Variants in OTUD7B observed in about 807,000 individuals in gnomAD.
OTUD7B encodes the protein OTU deubiquitinase 7B, also known as OTU domain-containing protein 7B.
Under a neutral mutation model 82.2 loss-of-function variants are expected in OTUD7B, and 34 were observed. That is an observed-to-expected ratio of 0.41 (90% CI 0.31 to 0.55). The LOEUF (loss-of-function observed/expected upper bound fraction) is 0.55. Ranked by LOEUF, OTUD7B falls within the 20% of genes least tolerant of loss-of-function variation. OTUD7B has a pLI of 0.20. For synonymous variants in OTUD7B, 398 were observed against 402.7 expected, an observed-to-expected ratio of 0.99 and a Z score of 0.14; for missense variants, 944 against 1,062.1, an observed-to-expected ratio of 0.89 and a Z score of 1.55.
chr1:150,037,842 A>G, the OTUD7B span, among the ~76,000 whole-genome samples: 5 of 152,054 alleles, frequency 3.3e-5, no homozygotes, highest in South Asian at 1.0e-3. Flanking sequence ...TTTTAAATCT[A>G]ACAAACGAAT....
At chr1:150,003,269 T>C (rs1420651826) in intron 1 of OTUD7B, among the ~76,000 whole-genome samples, 1 of 146,050 alleles carries the variant, frequency 6.8e-6, no homozygotes, top group Admixed American at 6.8e-5. Context: ...AAAAAAAAGA[T>C]AAAAACTCTG....
rs782784578 is a variant in OTUD7B, at chr1:149,938,325, G to A, written c.*5532C>T. 1 of 151,988 alleles carries A rather than the reference G, an allele frequency of 6.6e-6. No individual in the cohort carries two copies. The highest frequency in any genetic ancestry group is 2.4e-5 in the African/African-American group (1 of 41,364). 9.4% of individuals were successfully genotyped at this position (151,988 alleles called of 1,614,324 possible). On this transcript the variant is annotated 3_prime_UTR_variant, in exon 12 of 12. Coordinates refer to ENST00000581312, the MANE Select transcript of OTUD7B (RefSeq NM_020205.4). ...AAAATACAAAAATTAGCCAGGCGTG[G>A]TGGCTCACACCTATAATCCCAGCTA...
At chr1:150,020,379 T>C in the OTUD7B span, among the ~76,000 whole-genome samples, 7 of 151,984 alleles carry the variant, frequency 4.6e-5, no homozygotes, top group African/African-American at 1.7e-4. Flanking sequence ...CTATTAAAAA[T>C]ACAAAGAATT....
At chr1:149,964,496 T>G (rs1649387234) in intron 5 of OTUD7B, 147 bp from the exon 6 acceptor site, 1 of 657,820 alleles carries the variant, frequency 1.5e-6, no homozygotes, top group Non-Finnish European at 2.6e-6. Context: ...CCTCCCAAAG[T>G]GCTGGGATTA....
intron 1 of OTUD7B, among the ~76,000 whole-genome samples, chr1:149,980,623 G>T (rs1650651151): frequency 6.6e-6 from 1 of 151,898 alleles, no homozygotes. Context: ...GAGGCAGAAG[G>T]ATCACTTGAA....
chr1:149,949,200 T>C, intron 9 of OTUD7B, 117 bp from the exon 10 acceptor site: 3 of 661,736 alleles, frequency 4.5e-6, no homozygotes, highest in Non-Finnish European at 8.0e-6. Context: ...TTCTCAATTC[T>C]TACACGTGAA....
In OTUD7B at chr1:149,944,083, T is replaced by A; in HGVS notation, c.2306A>T (p.Tyr769Phe). Residue 769 changes from tyrosine (Y) to phenylalanine (F), a missense_variant, in exon 12 of 12, where the codon TAC (tyrosine) becomes TTC (phenylalanine). Coordinates refer to ENST00000581312, the MANE Select transcript of OTUD7B (RefSeq NM_020205.4). ...ATTGCTATAGGAATCAGCCACTCGG[T>A]AGGGGGGTGGTAACAAGGCACCCCT... ...LHRGALLPPP[Y>F]RVADSYSNGY... 6.2e-7 allele frequency: 1 copy of A among 1,613,848 alleles called. No individual in the cohort carries two copies. Among genetic ancestry groups the A allele is most frequent in the Non-Finnish European group, 8.5e-7 (1 of 1,179,790 alleles).
chr1:149,949,147 C>G, intron 9 of OTUD7B, 64 bp from the exon 10 acceptor site: 1 of 952,106 alleles, frequency 1.1e-6, no homozygotes, highest in South Asian at 1.4e-5. Context: ...TGAACACAGA[C>G]TTATTTCACT....
intron 1 of OTUD7B, among the ~76,000 whole-genome samples, chr1:149,990,508 A>T (rs587608800): frequency 6.6e-6 from 1 of 152,362 alleles, no homozygotes; most frequent in African/African-American, 2.4e-5. Context: ...ATCAAGATGT[A>T]TAAATAGGTC....
chr1:149,968,020 T>C (rs889665416), intron 3 of OTUD7B, among the ~76,000 whole-genome samples: 1 of 152,094 alleles, frequency 6.6e-6, no homozygotes, highest in African/African-American at 2.4e-5. Context: ...AGAAAATCCT[T>C]TGGGAGGCCA....
intron 5 of OTUD7B, among the ~76,000 whole-genome samples, chr1:149,964,756 G>A (rs1649408749): frequency 6.6e-6 from 1 of 151,480 alleles, no homozygotes; most frequent in Admixed American, 6.6e-5. Flanking sequence ...ACCATATCAG[G>A]CTAATTTTTG....
At chr1:150,038,069 G>A in the OTUD7B span, among the ~76,000 whole-genome samples, 1 of 151,770 alleles carries the variant, frequency 6.6e-6, no homozygotes, top group Non-Finnish European at 1.5e-5. Context: ...GTGTTGCCCA[G>A]GCTGGTCTCA....
At chr1:149,994,169 T>C (rs1571714611) in intron 1 of OTUD7B, among the ~76,000 whole-genome samples, 1 of 152,168 alleles carries the variant, frequency 6.6e-6, no homozygotes, top group Non-Finnish European at 1.5e-5. Flanking sequence ...GTGGTGGTGG[T>C]GATAACAAGT....
chr1:150,054,611 C>T, the OTUD7B span: 1 of 364,704 alleles, frequency 2.7e-6, no homozygotes, highest in Non-Finnish European at 5.3e-6. Context: ...AGTTCAAGAC[C>T]AGCACGGCCA....
At chr1:149,949,457 C>CA (rs1648017034) in intron 9 of OTUD7B, among the ~76,000 whole-genome samples, 172 bp downstream of exon 9, 1 of 27,794 alleles carries the variant, frequency 3.6e-5, no homozygotes, top group Non-Finnish European at 7.6e-5. Context: ...GCTTTTCTCC[C>CA]AACCCTTTTT....
chr1:149,997,186 C>A (rs1651976883), intron 1 of OTUD7B, among the ~76,000 whole-genome samples: 1 of 152,030 alleles, frequency 6.6e-6, no homozygotes, highest in Non-Finnish European at 1.5e-5. Context: ...TATCTGTTAT[C>A]ACATAGATAA....
At chr1:149,950,307 G>T in intron 7 of OTUD7B, 86 bp from the exon 8 acceptor site, 1 of 1,354,572 alleles carries the variant, frequency 7.4e-7, no homozygotes, top group Non-Finnish European at 1.0e-6. Context: ...CAGTTCTGCA[G>T]AAAGGGAAAA....
In OTUD7B at chr1:149,941,637, T is replaced by C. The variant is rs1553770435; in HGVS notation, c.*2220A>G. 6.6e-6 allele frequency: 1 copy of C among 152,222 alleles called. No homozygotes were observed. Among genetic ancestry groups the C allele is most frequent in the Non-Finnish European group, 1.5e-5 (1 of 68,040 alleles). 9.4% of individuals were successfully genotyped at this position (152,222 alleles called of 1,614,324 possible). The stretch of plus-strand genomic sequence containing the variant: ...TGTAAAAAGTCTATGATGGACAATG[T>C]ATCAAAAATTTAAATAAGAAGGATT... On this transcript the variant is annotated 3_prime_UTR_variant, in exon 12 of 12. Coordinates refer to ENST00000581312, the MANE Select transcript of OTUD7B (RefSeq NM_020205.4).
At chr1:150,050,086 G>A in the OTUD7B span, among the ~76,000 whole-genome samples, 59 of 152,010 alleles carry the variant, frequency 3.9e-4, no homozygotes, top group African/African-American at 1.3e-3. Flanking sequence ...ATGGTGTTAC[G>A]TGCCAGTAGA....
Sources: gnomAD v4.1 joint callset for allele counts (sites outside exome capture counted in the v4.1 genomes callset) on GRCh38, gnomAD v4.1.1 for gene constraint, MANE v1.5 for transcripts, NCBI Gene and HGNC (gene_info 2026-07-23, HGNC 2026-07-21) for gene names.